Variants in PLEKHG2 observed in about 807,000 individuals in gnomAD.
The protein encoded by PLEKHG2 is pleckstrin homology and RhoGEF domain containing G2.
A neutral mutation model predicts 104.4 loss-of-function variants in PLEKHG2; 71 were observed. The ratio of observed to expected loss-of-function variants is 0.68; its 90% CI spans 0.56 to 0.83. PLEKHG2 has a LOEUF of 0.83. Ranked by LOEUF, PLEKHG2 falls within the 40% of genes least tolerant of loss-of-function variation. PLEKHG2 has a pLI of 0.00. For missense variants in PLEKHG2, 1,730 were observed against 1,809.4 expected, an observed-to-expected ratio of 0.96 and a Z score of 0.80; for synonymous variants, 728 against 737.0, an observed-to-expected ratio of 0.99 and a Z score of 0.20.
At chr19:39,414,968 ACCT>A in intron 2 of PLEKHG2, 21 bp from the exon 3 acceptor site, 2 of 1,561,354 alleles carry the variant, frequency 1.3e-6, no homozygotes, top group Non-Finnish European at 1.7e-6. Context: ...GATTTCTCTG[ACCT>A]CCTGTTCCAC....
rs1247019532 is a variant in PLEKHG2, at chr19:39,420,820, C to T, written c.1367C>T (p.Ala456Val). 1 of 1,614,168 alleles carries T rather than the reference C, an allele frequency of 6.2e-7. No individual in the cohort carries two copies. The highest frequency in any genetic ancestry group is 8.5e-7 in the Non-Finnish European group (1 of 1,180,020). ...CTTGGGTCTCCTCGACCTCGAGATG[C>T]TAGAAGTTTTACCCCTGGGCGAAGG... ...PPLGSPRPRD[A>V]RSFTPGRRNT... The change falls in exon 13 of 19, where the codon GCT becomes GTT. Residue 456 changes from alanine to valine, a missense_variant. Ala to Val is a moderately conservative substitution (Grantham distance 64, BLOSUM62 0). Coordinates refer to ENST00000425673, the MANE Select transcript of PLEKHG2 (RefSeq NM_022835.3).
Position 39,424,236 on chromosome 19 carries a change from A to C in PLEKHG2, c.3103A>C (p.Thr1035Pro), listed in dbSNP as rs2078747926. ...TTGTTCTGATTTCACAGTTTCAGTCACCACCCCTGTGCCCAAGCAAGAAGG... is the reference window on the plus strand; with the variant it reads ...TTGTTCTGATTTCACAGTTTCAGTCCCCACCCCTGTGCCCAAGCAAGAAGG... ...EICSDFTVSV[T>P]TPVPKQEGHL... The change falls in exon 19 of 19, where the codon ACC becomes CCC. Residue 1035 changes from threonine (T) to proline (P), a missense_variant. By Grantham distance (38) the Thr-to-Pro change is conservative. Transcript: ENST00000425673. 1.2e-6 allele frequency: 2 copies of C among 1,613,794 alleles called. No individual in the cohort carries two copies. Among genetic ancestry groups the C allele is most frequent in the Non-Finnish European group, 1.7e-6 (2 of 1,179,908 alleles).
chr19:39,420,440 G>A (rs1173403075), intron 11 of PLEKHG2, among the ~76,000 whole-genome samples, 186 bp from the exon 12 acceptor site: 1 of 152,032 alleles, frequency 6.6e-6, no homozygotes, highest in Non-Finnish European at 1.5e-5. Context: ...TGGGAAGATC[G>A]CTTGATCCCA....
chr19:39,419,787 G>A (rs1300705076), intron 11 of PLEKHG2, among the ~76,000 whole-genome samples: 4 of 152,134 alleles, frequency 2.6e-5, no homozygotes, highest in East Asian at 3.9e-4. Flanking sequence ...TGAGGCAGGA[G>A]AATGGCGTGA....
chr19:39,418,014 G>T lies in PLEKHG2; in HGVS notation c.992G>T (p.Arg331Leu). The change falls in exon 9 of 19, where the codon CGA becomes CTA. Residue 331 changes from arginine (R) to leucine (L), a missense_variant. Arg to Leu is a moderately radical substitution (Grantham distance 102). Transcript: ENST00000425673. ...RGGGGGGPRL[R>L]GGERLLFLFS... Reference sequence around the variant, plus strand: ...GGCGGAGGGGGTGGCCCCCGGCTACGAGGGGGTGAGCGGCTGCTCTTCCTG... The same window carrying T: ...GGCGGAGGGGGTGGCCCCCGGCTACTAGGGGGTGAGCGGCTGCTCTTCCTG... The T allele has an allele frequency of 1.3e-6, 2 of 1,563,718 alleles. No individual in the cohort carries two copies. The highest frequency in any genetic ancestry group is 1.7e-6 in the Non-Finnish European group (2 of 1,155,678).
At position 39,418,116 on chromosome 19, in the gene PLEKHG2, G is replaced by T. The variant is rs747519023; in HGVS notation, c.1083+11G>T. 53 of 1,495,932 alleles carry T rather than the reference G, an allele frequency of 3.5e-5. No individual in the cohort carries two copies. Among genetic ancestry groups the T allele is most frequent in the Non-Finnish European group, 4.4e-5 (49 of 1,124,396 alleles). 92.7% of individuals were successfully genotyped at this position (1,495,932 alleles called of 1,614,324 possible). On this transcript the variant is annotated intron_variant, in intron 9 of 18. Transcript: ENST00000425673. The stretch of plus-strand genomic sequence containing the variant: ...AAAGGCCACATCTTCGTGAGTTTGG[G>T]GATGGGGTGGGGCTAGAATACTACC...
In PLEKHG2 at chr19:39,423,052, T is replaced by A. The variant is rs762581454; in HGVS notation, c.1998T>A (p.Phe666Leu). The A allele has an allele frequency of 2.5e-6, 4 of 1,614,170 alleles. No homozygotes were observed. Among genetic ancestry groups the A allele is most frequent in the Non-Finnish European group, 3.4e-6 (4 of 1,180,024 alleles). Residue 666 changes from phenylalanine (F) to leucine (L), a missense_variant, in exon 18 of 19, where the codon TTT becomes TTA. Physicochemically the swap from Phe to Leu is conservative, Grantham distance 22. Transcript: ENST00000425673. The part of the protein sequence containing the change: ...LPSLSDISDV[F>L]EMPCLPAIPS... Reference sequence around the variant, plus strand: ...GTCTCTCTGACATTTCCGATGTTTTTGAGATGCCCTGCCTTCCAGCCATAC... The same window carrying A: ...GTCTCTCTGACATTTCCGATGTTTTAGAGATGCCCTGCCTTCCAGCCATAC...
rs150784328 is a variant in PLEKHG2 at position 39,422,733 on chromosome 19, C to A, written c.1679C>A (p.Pro560Gln). 6.6e-7 allele frequency: 1 copy of A among 1,519,450 alleles called. No homozygotes were observed. The highest frequency in any genetic ancestry group is 8.8e-7 in the Non-Finnish European group (1 of 1,136,076). 94.1% of individuals were successfully genotyped at this position (1,519,450 alleles called of 1,614,324 possible). A position where few individuals can be genotyped will look rare whatever the true frequency, so the allele number is the denominator to read the frequency against. Residue 560 changes from proline (P) to glutamine (Q), a missense_variant and splice_region_variant, in exon 18 of 19, where the codon CCG becomes CAG. Transcript: ENST00000425673. ...CTTGTTCTCCTGTGCCCACTATAGCCGTCCACCCATGACATTCCCAAGTTC... is the reference window on the plus strand; with the variant it reads ...CTTGTTCTCCTGTGCCCACTATAGCAGTCCACCCATGACATTCCCAAGTTC... ...LNQRGLRDPG[P>Q]STHDIPKFPG...
chr19:39,424,938 C>T lies in PLEKHG2; in HGVS notation c.3805C>T (p.Leu1269Phe), dbSNP rs756610945. Reference sequence around the variant, plus strand: ...TAGTCCCCCACCTTCCAGCCGTCAGCTCCTGGGCCCCAATGCAGCTGCCCT... The same window carrying T: ...TAGTCCCCCACCTTCCAGCCGTCAGTTCCTGGGCCCCAATGCAGCTGCCCT... ...PHSPPPSSRQ[L>F]LGPNAAALSR... Residue 1269 changes from leucine (L) to phenylalanine (F), a missense_variant, in exon 19 of 19, where the codon CTC becomes TTC. Coordinates refer to ENST00000425673, the MANE Select transcript of PLEKHG2 (RefSeq NM_022835.3). 1.2e-6 allele frequency: 2 copies of T among 1,614,252 alleles called. No individual in the cohort carries two copies. The highest frequency in any genetic ancestry group is 8.5e-7 in the Non-Finnish European group (1 of 1,180,044).
chr19:39,414,844 C>T, intron 2 of PLEKHG2, 148 bp from the exon 3 acceptor site: 1 of 932,386 alleles, frequency 1.1e-6, no homozygotes, highest in Non-Finnish European at 1.6e-6. Flanking sequence ...TGGGACTGGA[C>T]CAAGACAGGG....
In PLEKHG2 at chr19:39,422,205, C is replaced by A; in HGVS notation, c.1594C>A (p.Pro532Thr). 1 of 1,613,926 alleles carries A rather than the reference C, an allele frequency of 6.2e-7. No homozygotes were observed. Among genetic ancestry groups the A allele is most frequent in the Non-Finnish European group, 8.5e-7 (1 of 1,179,924 alleles). The change falls in exon 17 of 19, where the codon CCC becomes ACC. Residue 532 changes from proline to threonine, a missense_variant. Transcript: ENST00000425673. ...APPEDLEDAGPPTLDPSGTSI... is the reference protein window; with the variant it reads ...APPEDLEDAGTPTLDPSGTSI... ...CCCTGAGGACCTGGAGGATGCTGGA[C>A]CCCCAACACTGGACCCCTCTGGGAC... is the stretch of plus-strand genomic sequence containing the variant.
Position 39,413,649 on chromosome 19 carries a change from C to CG in PLEKHG2, c.-23+242dup. On this transcript the variant is annotated intron_variant, in intron 1 of 18. Transcript: ENST00000425673. The surrounding 1 kb of genome is among the most constrained non-coding windows in gnomAD (Gnocchi z 4.5). Reference sequence around the variant, plus strand: ...CAGCGCCCCAGCGCGCAGCCCTCGGCGGGGGAGGGAGCCGTCTGCAGGACC... The same window carrying CG: ...CAGCGCCCCAGCGCGCAGCCCTCGGCGGGGGGAGGGAGCCGTCTGCAGGACC... 6.5e-6 allele frequency: 1 copy of CG among 153,320 alleles called. No individual in the cohort carries two copies. Among genetic ancestry groups the CG allele is most frequent in the Non-Finnish European group, 1.5e-5 (1 of 68,962 alleles). 9.5% of individuals were successfully genotyped at this position (153,320 alleles called of 1,614,324 possible).
chr19:39,423,677 C>A lies in PLEKHG2; in HGVS notation c.2599+24C>A, dbSNP rs919724601. The A allele has an allele frequency of 7.1e-6, 11 of 1,558,788 alleles. No homozygotes were observed. The Middle Eastern group carries it at 8.7e-4, about 123-fold the overall frequency. On this transcript the variant is annotated intron_variant, in intron 18 of 18. Transcript: ENST00000425673. ...AGGTGAGGTCCGGGTACGTGGTTGG[C>A]AGAGGTGGTCCCCGCTGGAGTAGTG...
chr19:39,419,083 C>G, intron 11 of PLEKHG2, 80 bp downstream of exon 11: 1 of 1,285,814 alleles, frequency 7.8e-7, no homozygotes, highest in Non-Finnish European at 1.1e-6. Flanking sequence ...CGCCCCTGCC[C>G]AATGCCAGAG....
chr19:39,425,620 C>G lies in PLEKHG2; in HGVS notation c.*326C>G. 1 of 410,076 alleles carries G rather than the reference C, an allele frequency of 2.4e-6. No homozygotes were observed. The highest frequency in any genetic ancestry group is 4.3e-6 in the Non-Finnish European group (1 of 235,014). 25.4% of individuals were successfully genotyped at this position (410,076 alleles called of 1,614,324 possible). The stretch of plus-strand genomic sequence containing the variant: ...GCGGTTCTGAAAGCTTGGGGAATCT[C>G]AGACTCCTTTGAGAATTATTGGAAA... On this transcript the variant is annotated 3_prime_UTR_variant, in exon 19 of 19. Transcript: ENST00000425673.
Position 39,422,993 on chromosome 19 carries a change from C to T in PLEKHG2, c.1939C>T (p.Arg647Cys), listed in dbSNP as rs148805217. ...GCCCAACCTTCCTGAAATTCCCAGCCGCTGTGAAATTCCCGAAGGTTCTCG... is the reference window on the plus strand; with the variant it reads ...GCCCAACCTTCCTGAAATTCCCAGCTGCTGTGAAATTCCCGAAGGTTCTCG... ...DVPNLPEIPS[R>C]CEIPEGSRLP... Residue 647 changes from arginine to cysteine, a missense_variant, in exon 18 of 19, where the codon CGC becomes TGC. By Grantham distance (180) the Arg-to-Cys change is radical. Coordinates refer to ENST00000425673, the MANE Select transcript of PLEKHG2 (RefSeq NM_022835.3). 5.8e-5 allele frequency: 94 copies of T among 1,614,106 alleles called. No homozygotes were observed. Among genetic ancestry groups the T allele is most frequent in the East Asian group, 1.3e-4 (6 of 44,902 alleles).
Position 39,424,382 on chromosome 19 carries a change from C to T in PLEKHG2, c.3249C>T (p.Ser1083=), listed in dbSNP as rs1305541153. The T allele has an allele frequency of 6.2e-7, 1 of 1,614,154 alleles. No homozygotes were observed. Among genetic ancestry groups the T allele is most frequent in the Admixed American group, 1.7e-5 (1 of 60,024 alleles). ...QPIQPLSWHG[S]SLDPQGPGDT... The stretch of plus-strand genomic sequence containing the variant: ...TCCAGCCTTTGTCTTGGCATGGAAG[C>T]AGCCTGGATCCCCAGGGCCCAGGCG... Residue 1083 remains serine (S), a synonymous_variant, in exon 19 of 19, where the codon AGC becomes AGT. Coordinates refer to ENST00000425673, the MANE Select transcript of PLEKHG2 (RefSeq NM_022835.3).
Position 39,423,197 on chromosome 19 carries a change from G to A in PLEKHG2, c.2143G>A (p.Gly715Arg), listed in dbSNP as rs755689245. 2 of 1,612,634 alleles carry A rather than the reference G, an allele frequency of 1.2e-6. No individual in the cohort carries two copies. Among genetic ancestry groups the A allele is most frequent in the Non-Finnish European group, 1.7e-6 (2 of 1,178,912 alleles). The change falls in exon 18 of 19, where the codon GGG becomes AGG. Residue 715 changes from glycine to arginine, a missense_variant. Transcript: ENST00000425673. ...APATRRELFSGSNPGKLGEPP... is the reference protein window; with the variant it reads ...APATRRELFSRSNPGKLGEPP... ...AGCCACCAGGAGAGAACTGTTTTCTGGGAGCAATCCTGGGAAACTGGGAGA... is the reference window on the plus strand; with the variant it reads ...AGCCACCAGGAGAGAACTGTTTTCTAGGAGCAATCCTGGGAAACTGGGAGA...
In PLEKHG2 at chr19:39,423,778, T is replaced by A. The variant is rs1431677814; in HGVS notation, c.2645T>A (p.Phe882Tyr). 1 of 1,613,978 alleles carries A rather than the reference T, an allele frequency of 6.2e-7. No homozygotes were observed. The highest frequency in any genetic ancestry group is 8.5e-7 in the Non-Finnish European group (1 of 1,179,872). Residue 882 changes from phenylalanine (F) to tyrosine (Y), a missense_variant, in exon 19 of 19, where the codon TTC becomes TAC. Phe to Tyr is a conservative substitution (Grantham distance 22, BLOSUM62 3). Transcript: ENST00000425673. ...FGHVLVCELA[F>Y]PLTCAQESVP... Reference sequence around the variant, plus strand: ...CACGTGCTGGTATGTGAGCTGGCCTTCCCACTGACATGTGCCCAGGAGTCT... The same window carrying A: ...CACGTGCTGGTATGTGAGCTGGCCTACCCACTGACATGTGCCCAGGAGTCT...
Sources: gnomAD v4.1 joint callset for allele counts (sites outside exome capture counted in the v4.1 genomes callset) on GRCh38, gnomAD v4.1.1 for gene constraint, Gnocchi (gnomAD v3.1) non-coding constraint, MANE v1.5 for transcripts, NCBI Gene and HGNC (gene_info 2026-07-23, HGNC 2026-07-21) for gene names.